The following WDR70 variants were observed in gnomAD, a reference collection of about 807,000 sequenced individuals.
The protein encoded by WDR70 is WD repeat domain 70.
In WDR70, 53 loss-of-function variants were observed where a neutral mutation model predicts 88.6. The ratio of observed to expected loss-of-function variants is 0.60; its 90% confidence interval spans 0.48 to 0.75. The LOEUF is 0.75. Among genes scored for constraint, WDR70 ranks in the 30% least tolerant of loss-of-function variants. The pLI is 0.00. For synonymous variants in WDR70, 280 were observed against 270.0 expected (o/e 1.04, Z -0.36); for missense variants, 610 against 823.2 (o/e 0.74, Z 3.17).
chr5:37,407,788 C>T (rs1156347724), intron 5 of WDR70, among the ~76,000 whole-genome samples: 1 of 151,828 alleles, frequency 6.6e-6, no homozygotes, highest in Admixed American at 6.6e-5. Context: ...CTTGGCCTCC[C>T]CAAGTGCTAA....
At chr5:37,752,455 T>G (rs1367432288) in intron 17 of WDR70, 31 bp from the exon 18 acceptor site, 1 of 1,565,380 alleles carries the variant, frequency 6.4e-7, no homozygotes, top group Admixed American at 1.9e-5. Flanking sequence ...CTGACTAAAT[T>G]TTTCCTTCTC....
chr5:37,714,409 C>G (rs980978710), intron 13 of WDR70, among the ~76,000 whole-genome samples: 7 of 152,166 alleles, frequency 4.6e-5, no homozygotes, highest in African/African-American at 1.4e-4. Flanking sequence ...CACTGTGGGT[C>G]TTAAATGAAG....
chr5:37,674,197 G>C (rs1408417228), intron 10 of WDR70, among the ~76,000 whole-genome samples: 1 of 151,900 alleles, frequency 6.6e-6, no homozygotes, highest in Non-Finnish European at 1.5e-5. Flanking sequence ...TTGCCACACT[G>C]TCTTCCACAA....
chr5:37,702,757 C>T (rs1279404130), intron 12 of WDR70, among the ~76,000 whole-genome samples, 192 bp from the exon 13 acceptor site: 1 of 152,084 alleles, frequency 6.6e-6, no homozygotes, highest in Non-Finnish European at 1.5e-5. Context: ...CTTCAGTTCC[C>T]TCATCAGTAA....
intron 13 of WDR70, among the ~76,000 whole-genome samples, chr5:37,710,309 A>G (rs1747471003): frequency 6.6e-6 from 1 of 152,154 alleles, no homozygotes; most frequent in South Asian, 2.1e-4. Context: ...CAGTATACAG[A>G]AGAGTACCCC....
chr5:37,530,718 C>G (rs938415190), intron 9 of WDR70, among the ~76,000 whole-genome samples: 1 of 144,444 alleles, frequency 6.9e-6, no homozygotes, highest in African/African-American at 2.6e-5. Flanking sequence ...TGCTAATGGT[C>G]TGTCAATTTT....
At chr5:37,474,518 G>A (rs1238255331) in intron 7 of WDR70, among the ~76,000 whole-genome samples, 1 of 152,120 alleles carries the variant, frequency 6.6e-6, no homozygotes. Flanking sequence ...TAGAATTATT[G>A]TATCTGCCTG....
chr5:37,603,341 T>G (rs1423020128), intron 9 of WDR70, among the ~76,000 whole-genome samples: 1 of 152,184 alleles, frequency 6.6e-6, no homozygotes, highest in Non-Finnish European at 1.5e-5. Context: ...CAATTGATTT[T>G]CAACAAAGAT....
intron 9 of WDR70, among the ~76,000 whole-genome samples, chr5:37,540,503 T>G (rs1477716387): frequency 6.6e-6 from 1 of 152,182 alleles, no homozygotes; most frequent in Non-Finnish European, 1.5e-5. Flanking sequence ...TGCCTCAGCC[T>G]CCTGAGTAGC....
At chr5:37,715,062 T>A (rs1368910074) in intron 13 of WDR70, among the ~76,000 whole-genome samples, 1 of 152,170 alleles carries the variant, frequency 6.6e-6, no homozygotes, top group African/African-American at 2.4e-5. Flanking sequence ...TAGCACAGAC[T>A]GTAAATGAGT....
chr5:37,712,673 T>G (rs1215317230), intron 13 of WDR70, among the ~76,000 whole-genome samples: 2 of 152,176 alleles, frequency 1.3e-5, no homozygotes, highest in Admixed American at 1.3e-4. Context: ...TTTCTCATCT[T>G]TATTATCTCT....
chr5:37,491,246 T>C (rs1238277882), intron 8 of WDR70, among the ~76,000 whole-genome samples: 1 of 152,208 alleles, frequency 6.6e-6, no homozygotes, highest in Non-Finnish European at 1.5e-5. Flanking sequence ...TCAGTGCCTG[T>C]CACTTCTCTG....
chr5:37,519,687 G>GCGGC (rs1741025537), intron 9 of WDR70, among the ~76,000 whole-genome samples: 1 of 151,844 alleles, frequency 6.6e-6, no homozygotes, highest in African/African-American at 2.4e-5. Context: ...CAGACGATGG[G>GCGGC]CGGCCGGGCA....
intron 10 of WDR70, among the ~76,000 whole-genome samples, chr5:37,622,530 G>A (rs1744538483): frequency 6.6e-6 from 1 of 152,096 alleles, no homozygotes; most frequent in South Asian, 2.1e-4. Context: ...AAGAAAATGT[G>A]GCACATATAC....
intron 10 of WDR70, among the ~76,000 whole-genome samples, chr5:37,621,933 A>G (rs1270143591): frequency 6.6e-6 from 1 of 152,160 alleles, no homozygotes; most frequent in Admixed American, 6.5e-5. Flanking sequence ...ATCCAGTTTC[A>G]GCTTTCTACA....
chr5:37,729,161 A>G (rs1748069017), intron 17 of WDR70, among the ~76,000 whole-genome samples: 1 of 152,098 alleles, frequency 6.6e-6, no homozygotes, highest in African/African-American at 2.4e-5. Context: ...GCACCACAAG[A>G]TGTTACAGAC....
intron 5 of WDR70, among the ~76,000 whole-genome samples, chr5:37,435,357 G>A (rs1750435978): frequency 6.6e-6 from 1 of 152,078 alleles, no homozygotes; most frequent in Non-Finnish European, 1.5e-5. Flanking sequence ...AGAATATTTA[G>A]CACTTACAAA....
chr5:37,455,325 A>C (rs1425435900), intron 7 of WDR70, among the ~76,000 whole-genome samples: 1 of 148,730 alleles, frequency 6.7e-6, no homozygotes, highest in Non-Finnish European at 1.5e-5. Flanking sequence ...GTTCACTGCA[A>C]CCTCTGCCTC....
At chr5:37,442,279 C>T (rs1330669466) in intron 6 of WDR70, among the ~76,000 whole-genome samples, 10 of 150,146 alleles carry the variant, frequency 6.7e-5, no homozygotes, top group African/African-American at 1.7e-4. Context: ...TCAGGTGATC[C>T]GCCCGCCTTA....
Sources: gnomAD v4.1 joint callset for allele counts (sites outside exome capture counted in the v4.1 genomes callset) on GRCh38, gnomAD v4.1.1 for gene constraint, MANE v1.5 for transcripts, NCBI Gene and HGNC (gene_info 2026-07-23, HGNC 2026-07-21) for gene names.